Variants in CAMKMT observed in about 807,000 individuals in gnomAD.
CAMKMT encodes the protein calmodulin-lysine N-methyltransferase, also known as CaM KMT.
Under a neutral mutation model 48.0 loss-of-function variants are expected in CAMKMT, and 53 were observed. That is an observed-to-expected ratio of 1.10 (90% confidence interval 0.89 to 1.39). CAMKMT has a LOEUF of 1.39. Ranked by LOEUF, CAMKMT falls within the 40% of genes most tolerant of loss-of-function variation. CAMKMT has a pLI of 0.00. For missense variants in CAMKMT, 428 were observed against 402.7 expected, an observed-to-expected ratio of 1.06 and a Z score of -0.54; for synonymous variants, 165 against 152.3, an observed-to-expected ratio of 1.08 and a Z score of -0.61.
In CAMKMT at chr2:44,370,635, C is replaced by T. The variant is rs546062968; in HGVS notation, c.139-2081C>T. Among the ~76,000 whole-genome samples, 8 of 149,862 alleles carry T rather than the reference C, an allele frequency of 5.3e-5. No individual in the cohort carries two copies. The East Asian group carries it at 1.5e-3, about 29-fold the overall frequency. ...CGATCCTCTCTCCTGTGTTTGTTTTCTACTTCATTAACCTGTACTCTTTTA... is the reference window on the plus strand; with the variant it reads ...CGATCCTCTCTCCTGTGTTTGTTTTTTACTTCATTAACCTGTACTCTTTTA... On this transcript the variant is annotated intron_variant, in intron 1 of 10. Transcript: ENST00000378494.
chr2:44,609,378 T>G (rs985870799), intron 3 of CAMKMT, among the ~76,000 whole-genome samples: 3 of 152,242 alleles, frequency 2.0e-5, no homozygotes, highest in Non-Finnish European at 4.4e-5. Context: ...ATGATAACCA[T>G]GTGAGGTAAT....
At chr2:44,682,577 C>G (rs1676082848) in intron 3 of CAMKMT, among the ~76,000 whole-genome samples, 1 of 152,146 alleles carries the variant, frequency 6.6e-6, no homozygotes. Context: ...TTTGATATAT[C>G]TATTAACTGC....
At chr2:44,565,043 G>A (rs138148262) in intron 3 of CAMKMT, among the ~76,000 whole-genome samples, 35 of 152,246 alleles carry the variant, frequency 2.3e-4, no homozygotes, top group African/African-American at 7.0e-4. Context: ...ATGTGTATTC[G>A]TGTCCTAATT....
chr2:44,596,721 G>C (rs1033684482), intron 3 of CAMKMT, among the ~76,000 whole-genome samples: 1 of 152,156 alleles, frequency 6.6e-6, no homozygotes, highest in South Asian at 2.1e-4. Context: ...AATTGTGCTT[G>C]CATCATCACA....
chr2:44,535,274 G>T (rs1481008538), intron 3 of CAMKMT, among the ~76,000 whole-genome samples: 2 of 152,070 alleles, frequency 1.3e-5, no homozygotes, highest in Non-Finnish European at 2.9e-5. Flanking sequence ...ACAAAGAAAA[G>T]CCCAGGATTA....
chr2:44,540,107 A>G (rs531913558), intron 3 of CAMKMT, among the ~76,000 whole-genome samples: 1 of 151,882 alleles, frequency 6.6e-6, no homozygotes, highest in East Asian at 1.9e-4. Context: ...ATTAATTGGC[A>G]TTCTGTTATA....
chr2:44,406,187 T>C (rs928290249), intron 3 of CAMKMT, among the ~76,000 whole-genome samples: 1 of 152,218 alleles, frequency 6.6e-6, no homozygotes, highest in Non-Finnish European at 1.5e-5. Flanking sequence ...TCTTTTTGTG[T>C]TTTAGTATGC....
chr2:44,496,228 G>C (rs1038769691), intron 3 of CAMKMT, among the ~76,000 whole-genome samples: 2 of 152,042 alleles, frequency 1.3e-5, no homozygotes, highest in African/African-American at 2.4e-5. Context: ...ATAAATCAGG[G>C]CTTTTTAAAT....
intron 3 of CAMKMT, among the ~76,000 whole-genome samples, chr2:44,416,663 T>C (rs928462957): frequency 1.4e-5 from 2 of 144,932 alleles, no homozygotes; most frequent in African/African-American, 5.1e-5. Context: ...AACCTGTGCC[T>C]CCTGGGTTCA....
chr2:44,543,311 T>C (rs1328219086), intron 3 of CAMKMT, among the ~76,000 whole-genome samples: 1 of 152,216 alleles, frequency 6.6e-6, no homozygotes, highest in Non-Finnish European at 1.5e-5. Context: ...GCCGTGTAAG[T>C]GTAGCCACCA....
At chr2:44,487,757 A>T (rs1245988344) in intron 3 of CAMKMT, among the ~76,000 whole-genome samples, 1 of 152,214 alleles carries the variant, frequency 6.6e-6, no homozygotes, top group Admixed American at 6.5e-5. Context: ...TAGTCAGAAG[A>T]CCCATAAGGC....
intron 3 of CAMKMT, among the ~76,000 whole-genome samples, chr2:44,605,177 C>T (rs1671215365): frequency 6.6e-6 from 1 of 152,036 alleles, no homozygotes; most frequent in Non-Finnish European, 1.5e-5. Flanking sequence ...ATGAAGAAGC[C>T]GTAAATAAAA....
chr2:44,424,724 ATGCAAAGAATGACACAG>A (rs1684167071), intron 3 of CAMKMT, among the ~76,000 whole-genome samples: 3 of 152,196 alleles, frequency 2.0e-5, no homozygotes, highest in African/African-American at 7.2e-5. Context: ...AGCTATGAGG[ATGCAAAGAATGACACAG>A]TGCACTTTGG....
intron 3 of CAMKMT, among the ~76,000 whole-genome samples, chr2:44,432,428 G>T (rs1455888109): frequency 3.3e-5 from 5 of 152,180 alleles, no homozygotes; most frequent in African/African-American, 1.2e-4. Context: ...ACATTTGGCA[G>T]ATCAGGAAGT....
At chr2:44,449,523 T>C (rs1481969079) in intron 3 of CAMKMT, among the ~76,000 whole-genome samples, 3 of 152,198 alleles carry the variant, frequency 2.0e-5, no homozygotes, top group East Asian at 3.9e-4. Flanking sequence ...GTGATCTCTT[T>C]CTTTTTTCTC....
At position 44,631,352 on chromosome 2, in the gene CAMKMT, C is replaced by G. The variant is rs1055577602; in HGVS notation, c.377-72931C>G. 48 of 340,760 alleles carry G rather than the reference C, an allele frequency of 1.4e-4. No individual in the cohort carries two copies. In the Middle Eastern group the frequency reaches 2.8e-3, roughly 20 times the overall value. The allele number at this position is 340,760 out of a possible 1,614,324, so 21.1% of individuals were successfully genotyped here. ...GCAAGTCACATGTATACATATGTAA[C>G]TAACCTGCACGTTGTGCACATGTAC... On this transcript the variant is annotated intron_variant, in intron 3 of 10. Transcript: ENST00000378494.
At chr2:44,755,303 C>T (rs948636170) in intron 9 of CAMKMT, among the ~76,000 whole-genome samples, 1 of 152,114 alleles carries the variant, frequency 6.6e-6, no homozygotes, top group African/African-American at 2.4e-5. Context: ...AAGCTATTGA[C>T]GGCCACTGCA....
chr2:44,723,661 T>C (rs1678617433), intron 7 of CAMKMT: 1 of 150,860 alleles, frequency 6.6e-6, no homozygotes. Flanking sequence ...AATAAAATAA[T>C]AAAGTTGTTC....
At chr2:44,481,786 C>A (rs1043163898) in intron 3 of CAMKMT, among the ~76,000 whole-genome samples, 1 of 151,886 alleles carries the variant, frequency 6.6e-6, no homozygotes, top group African/African-American at 2.4e-5. Context: ...GAGTTGTTTT[C>A]AGAAATTGAA....
Sources: gnomAD v4.1 joint callset for allele counts (sites outside exome capture counted in the v4.1 genomes callset) on GRCh38, gnomAD v4.1.1 for gene constraint, MANE v1.5 for transcripts, NCBI Gene and HGNC (gene_info 2026-07-23, HGNC 2026-07-21) for gene names.